The following RRP12 variants were observed in gnomAD, a reference collection of about 807,000 sequenced individuals.
The protein encoded by RRP12 is ribosomal RNA processing 12 homolog, also known as RRP12-like protein.
In RRP12, 78 loss-of-function variants were observed where a neutral mutation model predicts 157.3. The ratio of observed to expected loss-of-function variants is 0.50; its 90% CI spans 0.41 to 0.60. The LOEUF (loss-of-function observed/expected upper bound fraction) is 0.60, where lower values mean the gene tolerates loss of function less well. RRP12 is among the 20% of genes least tolerant of loss of function. RRP12 has a pLI of 0.00. For synonymous variants in RRP12, 726 were observed against 670.9 expected (o/e 1.08, Z -1.27); for missense variants, 1,521 against 1,679.9 (o/e 0.91, Z 1.65).
intron 2 of RRP12, among the ~76,000 whole-genome samples, chr10:97,396,777 A>T (rs903108099): frequency 1.5e-4 from 23 of 151,744 alleles, no homozygotes; most frequent in African/African-American, 5.1e-4. Context: ...TACTTTATTT[A>T]TTTTTTTTGA....
In RRP12 at chr10:97,371,883, C is replaced by T. The variant is rs542903142; in HGVS notation, c.2343+190G>A. 50 of 546,516 alleles carry T rather than the reference C, an allele frequency of 9.1e-5. 2 individuals are homozygous for T. In the South Asian group the frequency reaches 1.1e-3, roughly 12 times the overall value. The allele number at this position is 546,516 out of a possible 1,614,324, so 33.9% of individuals were successfully genotyped here. ...AAGGCCTAAGCACAGCTGTGCATTT[C>T]AGTCCCTTTGGGACCTGCAAGACAG... is the stretch of plus-strand genomic sequence containing the variant. On this transcript the variant is annotated intron_variant, in intron 20 of 33. Coordinates refer to ENST00000370992, the MANE Select transcript of RRP12 (RefSeq NM_015179.4).
At position 97,367,175 on chromosome 10, in the gene RRP12, A is replaced by G. The variant is rs1201325496; in HGVS notation, c.2956-43T>C. Reference sequence around the variant, plus strand: ...AGGCTTTCAGGGAGGCGAGCCTTCCATGCTGCGCCCCCTTTACTGCTGTCC... The same window carrying G: ...AGGCTTTCAGGGAGGCGAGCCTTCCGTGCTGCGCCCCCTTTACTGCTGTCC... On this transcript the variant is annotated intron_variant, in intron 25 of 33. Transcript: ENST00000370992. 4.5e-6 allele frequency: 7 copies of G among 1,543,866 alleles called. No individual in the cohort carries two copies. The East Asian group carries it at 1.1e-4, about 25-fold the overall frequency.
intron 24 of RRP12, 75 bp downstream of exon 24, chr10:97,370,092 G>T: frequency 9.7e-7 from 1 of 1,027,902 alleles, no homozygotes; most frequent in Non-Finnish European, 1.4e-6. Context: ...AGTTCCAGGA[G>T]CCACTTTATC....
intron 1 of RRP12, 51 bp downstream of exon 1, chr10:97,401,042 G>C (rs1477978471): frequency 3.8e-6 from 6 of 1,598,040 alleles, no homozygotes; most frequent in Non-Finnish European, 5.1e-6. Context: ...TCTGGACCCA[G>C]GTCTGCCTGG....
At chr10:97,369,181 T>C (rs1333140140) in intron 25 of RRP12, among the ~76,000 whole-genome samples, 1 of 152,228 alleles carries the variant, frequency 6.6e-6, no homozygotes, top group Non-Finnish European at 1.5e-5. Context: ...CCATGGGCCT[T>C]TGCCCTGAAG....
chr10:97,372,919 T>C, intron 18 of RRP12, 116 bp from the exon 19 acceptor site: 1 of 1,436,046 alleles, frequency 7.0e-7, no homozygotes, highest in Non-Finnish European at 9.6e-7. Context: ...GCCCAAGCCA[T>C]GACTGCTGGT....
chr10:97,384,058 G>A (rs1407259023), intron 10 of RRP12, among the ~76,000 whole-genome samples: 2 of 152,128 alleles, frequency 1.3e-5, no homozygotes, highest in African/African-American at 4.8e-5. Flanking sequence ...TCCAGTCTCC[G>A]GCTCACGTCC....
In RRP12 at chr10:97,370,265, T is replaced by C. The variant is rs1400139453; in HGVS notation, c.2699A>G (p.Gln900Arg). ...RFGSNQEEALQCYLVLIYPGL... is the reference protein window; with the variant it reads ...RFGSNQEEALRCYLVLIYPGL... The stretch of plus-strand genomic sequence containing the variant: ...AGGGTAGATCAGGACGAGGTAGCAC[T>C]GCAGGGCCTCTGGGGACAGAGACCA... The change falls in exon 24 of 34, where the codon CAG becomes CGG. Residue 900 changes from glutamine to arginine, a missense_variant. Coordinates refer to ENST00000370992, the MANE Select transcript of RRP12 (RefSeq NM_015179.4). 6.3e-7 allele frequency: 1 copy of C among 1,593,930 alleles called. No individual in the cohort carries two copies. Among genetic ancestry groups the C allele is most frequent in the Non-Finnish European group, 8.5e-7 (1 of 1,170,486 alleles).
intron 2 of RRP12, among the ~76,000 whole-genome samples, chr10:97,399,782 G>A (rs992342451): frequency 1.3e-5 from 2 of 151,760 alleles, no homozygotes; most frequent in Non-Finnish European, 2.9e-5. Flanking sequence ...GCCGGGCGTG[G>A]TGGCACATGC....
At chr10:97,379,594 G>C (rs764601038) in intron 14 of RRP12, 34 bp downstream of exon 14, 18 of 1,610,982 alleles carry the variant, frequency 1.1e-5, no homozygotes, top group Middle Eastern at 1.6e-4. Flanking sequence ...ACAAGCCTGG[G>C]GCTTGTCAGG....
At chr10:97,399,874 C>A (rs919994863) in intron 2 of RRP12, among the ~76,000 whole-genome samples, 2 of 151,966 alleles carry the variant, frequency 1.3e-5, no homozygotes, top group East Asian at 1.9e-4. Context: ...GTGAAGATTG[C>A]GCTACTGCAC....
chr10:97,381,892 A>G (rs1243598339), intron 10 of RRP12, 66 bp from the exon 11 acceptor site: 2 of 1,182,274 alleles, frequency 1.7e-6, no homozygotes, highest in African/African-American at 1.5e-5. Flanking sequence ...ACCAGGGCTC[A>G]GGGCTGAGAC....
Position 97,373,723 on chromosome 10 carries a change from C to A in RRP12, c.1878G>T (p.Leu626=). 1.2e-6 allele frequency: 2 copies of A among 1,612,672 alleles called. No individual in the cohort carries two copies. Among genetic ancestry groups the A allele is most frequent in the Non-Finnish European group, 1.7e-6 (2 of 1,178,898 alleles). The change falls in exon 17 of 34, where the codon CTG becomes CTT. Residue 626 remains leucine (L), a synonymous_variant. Transcript: ENST00000370992. Reference sequence around the variant, plus strand: ...CTGTAGGCCTTGTGCAGAACCCAGGCAGGAGTGTCCACATCTGGAGAAGGA... The same window carrying A: ...CTGTAGGCCTTGTGCAGAACCCAGGAAGGAGTGTCCACATCTGGAGAAGGA... ...DTLQWQMWTL[L]PGFCTRPTDV... is the part of the protein sequence containing the mutation.
rs1178157111 is a variant in RRP12, at chr10:97,365,960, CAA to C, written c.3517+146_3517+147del. The C allele has an allele frequency of 4.0e-6, 4 of 995,612 alleles. No homozygotes were observed. In the African/African-American group the frequency reaches 4.9e-5, roughly 12 times the overall value. The allele number at this position is 995,612 out of a possible 1,614,324, so 61.7% of individuals were successfully genotyped here. A position where few individuals can be genotyped will look rare whatever the true frequency, so the allele number is the denominator to read the frequency against. ...CATAAAAAGATTTCTTAATGTTTCT[CAA>C]AAAAAGTTTGAGAAACTCAAAAAGT... is the stretch of plus-strand genomic sequence containing the variant. On this transcript the variant is annotated intron_variant, in intron 29 of 33. Transcript: ENST00000370992.
At chr10:97,373,458 T>A in intron 17 of RRP12, 117 bp downstream of exon 17, 1 of 1,205,130 alleles carries the variant, frequency 8.3e-7, no homozygotes, top group Non-Finnish European at 1.1e-6. Context: ...CAGCAAAGGA[T>A]GAGCTCCAGA....
chr10:97,398,446 A>T (rs1845047284), intron 2 of RRP12, among the ~76,000 whole-genome samples: 1 of 144,688 alleles, frequency 6.9e-6, no homozygotes, highest in African/African-American at 2.6e-5. Context: ...CTCTGCCTCC[A>T]GGGTTCAAGT....
At chr10:97,368,111 AC>A (rs1438492206) in intron 25 of RRP12, among the ~76,000 whole-genome samples, 3 of 149,148 alleles carry the variant, frequency 2.0e-5, no homozygotes, top group African/African-American at 7.5e-5. Flanking sequence ...GATCACTGCA[AC>A]CTCCGCCTCC....
At chr10:97,379,176 T>C in intron 15 of RRP12, 117 bp downstream of exon 15, 1 of 1,230,350 alleles carries the variant, frequency 8.1e-7, no homozygotes, top group Non-Finnish European at 1.2e-6. Flanking sequence ...CAGAGGGATG[T>C]TGCCAAACGT....
intron 3 of RRP12, among the ~76,000 whole-genome samples, chr10:97,395,870 G>C (rs1438155101): frequency 7.2e-6 from 1 of 138,844 alleles, no homozygotes; most frequent in Non-Finnish European, 1.6e-5. Context: ...AAAAAAAAAA[G>C]TAATAAGTAG....
Sources: gnomAD v4.1 joint callset for allele counts (sites outside exome capture counted in the v4.1 genomes callset) on GRCh38, gnomAD v4.1.1 for gene constraint, MANE v1.5 for transcripts, NCBI Gene and HGNC (gene_info 2026-07-23, HGNC 2026-07-21) for gene names.